ZFHX3: variants seen among roughly 807,000 people sequenced by gnomAD.
The protein encoded by ZFHX3 is zinc finger homeobox protein 3.
A neutral mutation model predicts 279.1 loss-of-function variants in ZFHX3; 42 were observed. The ratio of observed to expected loss-of-function variants is 0.15; its 90% CI spans 0.12 to 0.19. ZFHX3 has a LOEUF of 0.19. ZFHX3 is among the 10% of genes least tolerant of loss of function. ZFHX3 has a pLI of 1.00. For synonymous variants in ZFHX3, 2,293 were observed against 1,957.8 expected (o/e 1.17, Z -4.52); for missense variants, 4,981 against 4,754.0 (o/e 1.05, Z -1.40).
intron 4 of ZFHX3, among the ~76,000 whole-genome samples, chr16:72,864,096 C>A (rs9925803): frequency 0.032 from 4,856 of 151,810 alleles, 280 homozygotes; most frequent in African/African-American, 0.11. Flanking sequence ...CCGGCCTGGG[C>A]GAAAGAGCAA....
intron 1 of ZFHX3, among the ~76,000 whole-genome samples, chr16:73,789,737 G>A (rs945929009): frequency 6.6e-6 from 1 of 152,112 alleles, no homozygotes; most frequent in East Asian, 1.9e-4. Flanking sequence ...TCAACAGAAT[G>A]TGCTTCTTGG....
intron 5 of ZFHX3, among the ~76,000 whole-genome samples, chr16:72,823,680 T>A (rs975225705): frequency 6.6e-6 from 1 of 152,180 alleles, no homozygotes; most frequent in East Asian, 1.9e-4. Context: ...TAGTAATTAA[T>A]ATGCTCCAAG....
At chr16:72,991,155 TGA>T (rs146205288) in intron 1 of ZFHX3, among the ~76,000 whole-genome samples, 2 of 152,166 alleles carry the variant, frequency 1.3e-5, no homozygotes, top group African/African-American at 2.4e-5. Flanking sequence ...TAAGATATTC[TGA>T]GAGAGAGGAG....
chr16:73,252,631 T>G (rs1470513342), intron 5 of ZFHX3, among the ~76,000 whole-genome samples: 3 of 151,364 alleles, frequency 2.0e-5, no homozygotes, highest in Non-Finnish European at 4.4e-5. Context: ...AAGCTCAGGG[T>G]GGGAGGAGAC....
chr16:73,884,030 T>C (rs1003876986), intron 1 of ZFHX3, among the ~76,000 whole-genome samples: 6 of 152,320 alleles, frequency 3.9e-5, no homozygotes, highest in South Asian at 2.1e-4. Flanking sequence ...GTCACAGCTG[T>C]CCCAATACGT....
chr16:73,245,697 G>A (rs1214075489), intron 5 of ZFHX3, among the ~76,000 whole-genome samples: 2 of 152,070 alleles, frequency 1.3e-5, no homozygotes, highest in African/African-American at 4.8e-5. Flanking sequence ...CCCCTACCTG[G>A]GCCCTTCCAG....
intron 1 of ZFHX3, among the ~76,000 whole-genome samples, chr16:73,818,551 G>C (rs947632290): frequency 6.6e-6 from 1 of 152,182 alleles, no homozygotes; most frequent in African/African-American, 2.4e-5. Flanking sequence ...CAGACCCCTG[G>C]CCACTCTGCT....
At chr16:73,713,200 A>C (rs1434887015) in intron 1 of ZFHX3, among the ~76,000 whole-genome samples, 1 of 152,196 alleles carries the variant, frequency 6.6e-6, no homozygotes, top group African/African-American at 2.4e-5. Flanking sequence ...CTGATTTCCT[A>C]CTTTTAACTC....
chr16:73,887,623 T>C (rs1040834838), intron 1 of ZFHX3, among the ~76,000 whole-genome samples: 1 of 152,006 alleles, frequency 6.6e-6, no homozygotes, highest in Non-Finnish European at 1.5e-5. Context: ...AGTAGATGAA[T>C]TGGATTTGGG....
At chr16:72,806,233 T>C (rs1344210948) in intron 7 of ZFHX3, among the ~76,000 whole-genome samples, 2 of 152,192 alleles carry the variant, frequency 1.3e-5, no homozygotes, top group African/African-American at 4.8e-5. Flanking sequence ...AAGAAAATAC[T>C]GTAGGGCCGT....
chr16:73,285,595 T>C (rs1012718462), intron 4 of ZFHX3, among the ~76,000 whole-genome samples: 2 of 152,194 alleles, frequency 1.3e-5, no homozygotes, highest in African/African-American at 2.4e-5. Flanking sequence ...TACAGAAACC[T>C]CTGCGTAAAG....
Position 72,922,896 on chromosome 16 carries a change from T to C in ZFHX3, c.3216+27573A>G, listed in dbSNP as rs542366105. Among the ~76,000 whole-genome samples, 3 of 152,248 alleles carry C rather than the reference T, an allele frequency of 2.0e-5. No homozygotes were observed. In the South Asian group the frequency reaches 6.2e-4, roughly 32 times the overall value. ...ACAGAGCAGACTCTCCCCAGCCTGC[T>C]TCCTGCTCTGTCCATACCAGGCTCC... On this transcript the variant is annotated intron_variant, in intron 3 of 9. Transcript: ENST00000268489.
chr16:73,782,771 A>C (rs1959517011), intron 1 of ZFHX3, among the ~76,000 whole-genome samples: 1 of 152,234 alleles, frequency 6.6e-6, no homozygotes, highest in Admixed American at 6.5e-5. Context: ...GTATGCTGCA[A>C]GATGACAGAC....
At chr16:73,245,351 C>T (rs1325177823) in intron 5 of ZFHX3, among the ~76,000 whole-genome samples, 1 of 152,110 alleles carries the variant, frequency 6.6e-6, no homozygotes, top group Admixed American at 6.6e-5. Flanking sequence ...CTCACTGTAG[C>T]CTCAAACTCT....
chr16:73,293,753 A>T (rs2014832311), intron 4 of ZFHX3: 1 of 152,242 alleles, frequency 6.6e-6, no homozygotes, highest in East Asian at 1.9e-4. Flanking sequence ...GGGCAAGGTG[A>T]TTCACGGAGG....
At chr16:72,929,960 G>A (rs1959697404) in intron 3 of ZFHX3, among the ~76,000 whole-genome samples, 1 of 152,258 alleles carries the variant, frequency 6.6e-6, no homozygotes, top group African/African-American at 2.4e-5. Flanking sequence ...GCTCACGCCT[G>A]TAATCCCAGC....
intron 1 of ZFHX3, among the ~76,000 whole-genome samples, chr16:73,879,083 C>A (rs1157829943): frequency 6.6e-6 from 1 of 151,686 alleles, no homozygotes; most frequent in African/African-American, 2.4e-5. Flanking sequence ...CTTCCAACTT[C>A]TCTTGAGGAC....
At chr16:72,830,936 C>G (rs536517073) in intron 4 of ZFHX3, among the ~76,000 whole-genome samples, 30 of 152,268 alleles carry the variant, frequency 2.0e-4, no homozygotes, top group Admixed American at 5.9e-4. Flanking sequence ...TGTCAGCAGA[C>G]CAGACCCCAG....
chr16:73,721,558 G>T (rs779829562), intron 1 of ZFHX3, among the ~76,000 whole-genome samples: 7 of 152,164 alleles, frequency 4.6e-5, no homozygotes, highest in Non-Finnish European at 8.8e-5. Flanking sequence ...TAACTGGACT[G>T]TGAAGCCCAC....
Sources: allele counts gnomAD v4.1 joint callset (sites outside exome capture counted in the v4.1 genomes callset), GRCh38; gene constraint gnomAD v4.1.1; transcripts MANE v1.5; gene names NCBI Gene and HGNC (gene_info 2026-07-23, HGNC 2026-07-21).